Variants in USP34 observed in about 807,000 individuals in gnomAD.
The protein encoded by USP34 is ubiquitin specific peptidase 34, also known as ubiquitin carboxyl-terminal hydrolase 34.
USP34 carries 70 observed loss-of-function variants against 460.3 expected under a neutral mutation model. The observed-to-expected ratio is 0.15, with a 90% CI of 0.13 to 0.19. USP34 has a LOEUF of 0.19. USP34 is among the 10% of genes least tolerant of loss of function. The probability of loss-of-function intolerance (pLI) is 1.00; values close to 1 mark genes in which losing one functional copy is unlikely to be tolerated. For synonymous variants in USP34, 1,647 were observed against 1,405.3 expected, an observed-to-expected ratio of 1.17 and a Z score of -3.85; for missense variants, 3,985 against 4,236.2, an observed-to-expected ratio of 0.94 and a Z score of 1.65.
intron 1 of USP34, among the ~76,000 whole-genome samples, chr2:61,462,724 G>A (rs1379489433): frequency 6.6e-6 from 1 of 151,810 alleles, no homozygotes. Context: ...AGCCCGGCAT[G>A]ATGGCACATG....
intron 33 of USP34, among the ~76,000 whole-genome samples, chr2:61,290,586 A>G (rs1689820693): frequency 6.6e-6 from 1 of 152,180 alleles, no homozygotes; most frequent in Non-Finnish European, 1.5e-5. Context: ...ATCCAATTAC[A>G]TGAAATTTTA....
chr2:61,432,985 TGAA>T (rs1484799696), intron 1 of USP34, among the ~76,000 whole-genome samples: 2 of 152,178 alleles, frequency 1.3e-5, no homozygotes, highest in Non-Finnish European at 2.9e-5. Context: ...TTAGATAAGC[TGAA>T]GAATTCCAGC....
chr2:61,416,811 T>C, intron 2 of USP34: 2 of 236,556 alleles, frequency 8.5e-6, no homozygotes, highest in South Asian at 1.2e-4. Flanking sequence ...CTCCCTAATC[T>C]TTTTTTTTTT....
rs150554881 is a variant in USP34, at chr2:61,232,125, G to T, written c.7113+327C>A. On this transcript the variant is annotated intron_variant, in intron 58 of 79. Coordinates refer to ENST00000398571, the MANE Select transcript of USP34 (RefSeq NM_014709.4). ...TCACTATAGTACCCTACCATGGTTA[G>T]AATGTGTAAGGATTTTAAAAGAATC... 3.3e-4 allele frequency among the ~76,000 whole-genome samples: 50 copies of T among 152,214 alleles called. No individual in the cohort carries two copies. In the East Asian group the frequency reaches 9.4e-3, roughly 29 times the overall value.
chr2:61,366,151 GC>G (rs1692433287), intron 10 of USP34, among the ~76,000 whole-genome samples: 1 of 152,138 alleles, frequency 6.6e-6, no homozygotes, highest in South Asian at 2.1e-4. Flanking sequence ...GTCTTGAACC[GC>G]TGACTTTGTG....
chr2:61,398,481 C>T (rs1197171440), intron 3 of USP34, among the ~76,000 whole-genome samples: 1 of 106,404 alleles, frequency 9.4e-6, no homozygotes. Context: ...GGGAAGGAGG[C>T]GGAAGCGGGG....
At chr2:61,235,579 T>C (rs1055452169) in intron 57 of USP34, among the ~76,000 whole-genome samples, 5 of 151,890 alleles carry the variant, frequency 3.3e-5, no homozygotes, top group African/African-American at 1.2e-4. Context: ...CCACCTTAGC[T>C]TCCTAAGGTG....
At chr2:61,327,579 T>A (rs1691134492) in intron 20 of USP34, among the ~76,000 whole-genome samples, 1 of 152,240 alleles carries the variant, frequency 6.6e-6, no homozygotes, top group Admixed American at 6.5e-5. Context: ...AAAAGGAGAA[T>A]AAAGTCTTGC....
chr2:61,360,453 A>G (rs576491123), intron 10 of USP34, among the ~76,000 whole-genome samples: 47 of 152,348 alleles, frequency 3.1e-4, no homozygotes, highest in African/African-American at 1.1e-3. Context: ...CACAGCAACA[A>G]AAGTATTTTA....
At chr2:61,299,615 T>C (rs951918749) in intron 29 of USP34, among the ~76,000 whole-genome samples, 4 of 151,902 alleles carry the variant, frequency 2.6e-5, no homozygotes, top group Admixed American at 1.3e-4. Context: ...GCCAGGCACA[T>C]TGGCATGCAC....
intron 68 of USP34, among the ~76,000 whole-genome samples, chr2:61,212,816 A>G (rs1687305889): frequency 6.6e-6 from 1 of 152,216 alleles, no homozygotes; most frequent in Non-Finnish European, 1.5e-5. Flanking sequence ...CTCATCTAGT[A>G]CTTGTCAAAG....
At chr2:61,452,117 T>C (rs1232626751) in intron 1 of USP34, among the ~76,000 whole-genome samples, 2 of 147,114 alleles carry the variant, frequency 1.4e-5, no homozygotes, top group East Asian at 4.1e-4. Context: ...GAGCTTGCAG[T>C]GAGCCGAGAT....
Position 61,404,860 on chromosome 2 carries a change from T to C in USP34, c.552+848A>G, listed in dbSNP as rs79104313. ...CATATTATCTGAGTTAAGTCTAAGA[T>C]AGGTTACTACATACTTAGAAATGCT... On this transcript the variant is annotated intron_variant, in intron 3 of 79. Coordinates refer to ENST00000398571, the MANE Select transcript of USP34 (RefSeq NM_014709.4). Among the ~76,000 whole-genome samples, 1,259 of 152,280 alleles carry C rather than the reference T, an allele frequency of 8.3e-3. 16 individuals carry two copies. The highest frequency in any genetic ancestry group is 0.027 in the African/African-American group (1,135 of 41,558).
chr2:61,277,577 C>T (rs1027225479), intron 41 of USP34: 2 of 152,358 alleles, frequency 1.3e-5, no homozygotes, highest in African/African-American at 2.4e-5. Context: ...CAGGAATTAA[C>T]ATCTGATTTT....
At chr2:61,366,988 G>A (rs1056522872) in intron 10 of USP34, among the ~76,000 whole-genome samples, 2 of 152,110 alleles carry the variant, frequency 1.3e-5, no homozygotes, top group Non-Finnish European at 2.9e-5. Flanking sequence ...GGCAGAAGCT[G>A]CAGCAAGTCA....
chr2:61,454,870 C>G (rs2463098), intron 1 of USP34, among the ~76,000 whole-genome samples: 8 of 36,290 alleles, frequency 2.2e-4, no homozygotes, highest in East Asian at 1.4e-3. Context: ...TTTTTTTTTT[C>G]TTTTTTTTTT....
intron 1 of USP34, 63 bp downstream of exon 1, chr2:61,470,587 C>T: frequency 8.2e-7 from 1 of 1,215,302 alleles, no homozygotes; most frequent in South Asian, 1.2e-5. Context: ...CCCGGGGAGG[C>T]CAGAGAGCTG....
Position 61,281,251 on chromosome 2 carries a change from A to T in USP34, c.4999-9T>A. The T allele has an allele frequency of 6.2e-7, 1 of 1,604,762 alleles. No homozygotes were observed. Among genetic ancestry groups the T allele is most frequent in the Non-Finnish European group, 8.5e-7 (1 of 1,176,666 alleles). On this transcript the variant is annotated splice_polypyrimidine_tract_variant and intron_variant, in intron 37 of 79. Coordinates refer to ENST00000398571, the MANE Select transcript of USP34 (RefSeq NM_014709.4). ...TCATGACGAACTGCAGTCTAGATGAAAAAGAAAGTTCCACAAACAGTGAGA... is the reference window on the plus strand; with the variant it reads ...TCATGACGAACTGCAGTCTAGATGATAAAGAAAGTTCCACAAACAGTGAGA...
chr2:61,232,946 TG>T (rs1687956599), intron 57 of USP34, among the ~76,000 whole-genome samples: 1 of 138,736 alleles, frequency 7.2e-6, no homozygotes, highest in Admixed American at 7.8e-5. Flanking sequence ...CTCGGCTCAC[TG>T]AAACCTCTGC....
Sources: allele counts gnomAD v4.1 joint callset (sites outside exome capture counted in the v4.1 genomes callset), GRCh38; gene constraint gnomAD v4.1.1; transcripts MANE v1.5; gene names NCBI Gene and HGNC (gene_info 2026-07-23, HGNC 2026-07-21).